The following ARB2A variants were observed in gnomAD, a reference collection of about 807,000 sequenced individuals.
The protein encoded by ARB2A is ARB2 cotranscriptional regulator A.
At chr5:93,798,485 C>T in the ARB2A span, among the ~76,000 whole-genome samples, 2 of 151,924 alleles carry the variant, frequency 1.3e-5, no homozygotes, top group East Asian at 3.9e-4. Flanking sequence ...AAATACAGGG[C>T]AATTATATCT....
chr5:94,013,321 G>A, the ARB2A span, among the ~76,000 whole-genome samples: 24 of 151,918 alleles, frequency 1.6e-4, no homozygotes, highest in African/African-American at 4.8e-4. Flanking sequence ...GGGATTACAC[G>A]TGCCCGCCAC....
chr5:94,087,032 C>T, the ARB2A span, among the ~76,000 whole-genome samples: 12 of 152,032 alleles, frequency 7.9e-5, no homozygotes, highest in South Asian at 4.1e-4. Context: ...GATCTTCCAG[C>T]GGGACAAGAT....
At chr5:93,660,078 T>C in the ARB2A span, among the ~76,000 whole-genome samples, 1 of 152,062 alleles carries the variant, frequency 6.6e-6, no homozygotes, top group Non-Finnish European at 1.5e-5. Flanking sequence ...CTATCTAGCA[T>C]ATAACAGGAA....
the ARB2A span, among the ~76,000 whole-genome samples, chr5:93,924,704 AC>A: frequency 6.6e-6 from 1 of 152,088 alleles, no homozygotes; most frequent in Non-Finnish European, 1.5e-5. Context: ...GATCCACAAA[AC>A]TCTAAAGTGT....
chr5:94,085,749 G>A, the ARB2A span, among the ~76,000 whole-genome samples: 8 of 152,166 alleles, frequency 5.3e-5, no homozygotes, highest in Non-Finnish European at 5.9e-5. Flanking sequence ...AATTATAGGA[G>A]AGCAAATATA....
the ARB2A span, among the ~76,000 whole-genome samples, chr5:93,773,222 T>G: frequency 6.6e-6 from 1 of 152,192 alleles, no homozygotes; most frequent in Non-Finnish European, 1.5e-5. Flanking sequence ...GGTGACATAA[T>G]AATAATTCCT....
the ARB2A span, among the ~76,000 whole-genome samples, chr5:93,665,836 A>G: frequency 6.6e-6 from 1 of 152,224 alleles, no homozygotes; most frequent in Non-Finnish European, 1.5e-5. Context: ...TACTCTCCAC[A>G]GGCCAAGCAA....
chr5:93,964,460 G>T, the ARB2A span: 1 of 1,555,880 alleles, frequency 6.4e-7, no homozygotes, highest in Non-Finnish European at 8.8e-7. Flanking sequence ...TGACTTACTG[G>T]AATAGATACT....
chr5:93,833,268 A>G, the ARB2A span, among the ~76,000 whole-genome samples: 5 of 152,228 alleles, frequency 3.3e-5, no homozygotes, highest in Admixed American at 2.6e-4. Context: ...GTTATTGGCA[A>G]TGATACTGTG....
At chr5:93,792,354 G>C in the ARB2A span, among the ~76,000 whole-genome samples, 1 of 152,128 alleles carries the variant, frequency 6.6e-6, no homozygotes, top group Non-Finnish European at 1.5e-5. Flanking sequence ...CAGCGAAGAA[G>C]ACATTGAAAT....
At chr5:93,839,202 G>A in the ARB2A span, among the ~76,000 whole-genome samples, 1 of 152,228 alleles carries the variant, frequency 6.6e-6, no homozygotes, top group East Asian at 1.9e-4. Flanking sequence ...CAATTACTTT[G>A]AAGTATGTTC....
At chr5:93,725,497 C>A in the ARB2A span, among the ~76,000 whole-genome samples, 1 of 152,040 alleles carries the variant, frequency 6.6e-6, no homozygotes, top group African/African-American at 2.4e-5. Context: ...TTATGCATAA[C>A]AATCTAGGTT....
chr5:93,851,500 T>C, the ARB2A span, among the ~76,000 whole-genome samples: 14 of 152,304 alleles, frequency 9.2e-5, no homozygotes, highest in African/African-American at 1.7e-4. Context: ...ATGTGCACAA[T>C]GTGCAGGTTA....
the ARB2A span, among the ~76,000 whole-genome samples, chr5:93,819,741 T>C: frequency 6.6e-6 from 1 of 152,194 alleles, no homozygotes; most frequent in African/African-American, 2.4e-5. Context: ...CAAATCATGC[T>C]CCAGGCAATT....
At chr5:94,096,655 A>C in the ARB2A span, among the ~76,000 whole-genome samples, 2 of 152,204 alleles carry the variant, frequency 1.3e-5, no homozygotes, top group Non-Finnish European at 2.9e-5. Flanking sequence ...ACGATGATTA[A>C]ATAAATATAC....
At chr5:93,951,535 T>C in the ARB2A span, among the ~76,000 whole-genome samples, 26 of 152,242 alleles carry the variant, frequency 1.7e-4, no homozygotes, top group African/African-American at 6.3e-4. Flanking sequence ...TTCATTCTTC[T>C]GCATATGGAT....
chr5:93,902,397 A>G, the ARB2A span, among the ~76,000 whole-genome samples: 1 of 152,260 alleles, frequency 6.6e-6, no homozygotes, highest in African/African-American at 2.4e-5. Flanking sequence ...TCAGTAAAAA[A>G]GTGAATAGTA....
chr5:93,667,381 A>C, the ARB2A span, among the ~76,000 whole-genome samples: 1 of 152,210 alleles, frequency 6.6e-6, no homozygotes, highest in East Asian at 1.9e-4. Flanking sequence ...ACATATCTAC[A>C]AACTCTTATA....
At chr5:93,634,487 C>T in the ARB2A span, among the ~76,000 whole-genome samples, 1 of 152,066 alleles carries the variant, frequency 6.6e-6, no homozygotes, top group East Asian at 1.9e-4. Flanking sequence ...CTTGCCTTCT[C>T]CAACAAACTG....
Sources: gnomAD v4.1 joint callset for allele counts (sites outside exome capture counted in the v4.1 genomes callset) on GRCh38, gnomAD v4.1.1 for gene constraint, MANE v1.5 for transcripts, NCBI Gene and HGNC (gene_info 2026-07-23, HGNC 2026-07-21) for gene names.